Variants in PDE10A observed in about 807,000 individuals in gnomAD.
PDE10A encodes the protein cAMP and cAMP-inhibited cGMP 3',5'-cyclic phosphodiesterase 10A.
Under a neutral mutation model 97.7 loss-of-function variants are expected in PDE10A, and 39 were observed. The observed-to-expected ratio is 0.40, with a 90% CI of 0.31 to 0.52. The LOEUF is 0.52. PDE10A is among the 20% of genes least tolerant of loss of function. The pLI, the probability that PDE10A is intolerant of heterozygous loss-of-function variation, is 0.56. For missense variants in PDE10A, 731 were observed against 1,047.8 expected, an observed-to-expected ratio of 0.70 and a Z score of 4.17; for synonymous variants, 371 against 376.8, an observed-to-expected ratio of 0.98 and a Z score of 0.18.
rs373672822 is a variant in PDE10A, at chr6:165,579,531, C to T, written c.866-35963G>A. ...GTTGTTGCAAACTTCAAAATTCATC[C>T]AAAACCTAATCATGTTTCACCTTCC... On this transcript the variant is annotated intron_variant, in intron 1 of 21. Coordinates refer to ENST00000539869, the MANE Select transcript of PDE10A (RefSeq NM_001385079.1). Among the ~76,000 whole-genome samples, 23 of 152,248 alleles carry T rather than the reference C, an allele frequency of 1.5e-4. No homozygotes were observed. The South Asian group carries it at 4.6e-3, about 30-fold the overall frequency.
upstream of PDE10A, among the ~76,000 whole-genome samples, chr6:165,665,791 G>A (rs540370761): frequency 1.8e-4 from 28 of 152,142 alleles, no homozygotes; most frequent in Non-Finnish European, 2.9e-4. Context: ...ACACTTGTCT[G>A]TGCCTTTTAC....
intron 1 of PDE10A, among the ~76,000 whole-genome samples, chr6:165,678,181 A>G (rs1790865795): frequency 6.3e-4 from 1 of 1,584 alleles, no homozygotes; most frequent in Non-Finnish European, 1.3e-3. Context: ...GTGTGTGTCC[A>G]TGTGTGTCTG....
chr6:165,686,748 A>T (rs533931767), intron 1 of PDE10A, among the ~76,000 whole-genome samples: 1 of 152,340 alleles, frequency 6.6e-6, no homozygotes, highest in African/African-American at 2.4e-5. Flanking sequence ...TTGAGAGCAG[A>T]AACACGAGCA....
At chr6:165,825,169 G>GA (rs35069499) in intron 1 of PDE10A, among the ~76,000 whole-genome samples, 3 of 140,598 alleles carry the variant, frequency 2.1e-5, no homozygotes, top group Admixed American at 1.5e-4. Flanking sequence ...AAAAGAAAAA[G>GA]AAAAAAAAAG....
intron 18 of PDE10A, among the ~76,000 whole-genome samples, chr6:165,344,756 G>A (rs901853727): frequency 6.6e-6 from 1 of 152,112 alleles, no homozygotes; most frequent in Admixed American, 6.5e-5. Context: ...CCCATTTAAG[G>A]AATCATCAGT....
At chr6:165,374,740 A>G (rs958982901) in intron 18 of PDE10A, among the ~76,000 whole-genome samples, 1 of 146,428 alleles carries the variant, frequency 6.8e-6, no homozygotes, top group Non-Finnish European at 1.5e-5. Flanking sequence ...GTGCTTCATA[A>G]ATACCATGTT....
chr6:165,348,512 A>G (rs1047045291), intron 18 of PDE10A, among the ~76,000 whole-genome samples: 9 of 152,218 alleles, frequency 5.9e-5, no homozygotes, highest in Non-Finnish European at 1.2e-4. Flanking sequence ...TGGTTTCCAG[A>G]CATGACATTT....
chr6:165,909,275 A>G (rs139026521), intron 1 of PDE10A, among the ~76,000 whole-genome samples: 77 of 152,316 alleles, frequency 5.1e-4, no homozygotes, highest in Middle Eastern at 6.8e-3. Flanking sequence ...AGAAAGGAGG[A>G]AAAGAGAGGC....
chr6:165,369,884 C>A (rs1056920602), intron 18 of PDE10A, among the ~76,000 whole-genome samples: 1 of 151,806 alleles, frequency 6.6e-6, no homozygotes, highest in African/African-American at 2.4e-5. Flanking sequence ...AATCTCTCGG[C>A]AGAAACCCTA....
intron 1 of PDE10A, among the ~76,000 whole-genome samples, chr6:165,550,499 C>A (rs1024353861): frequency 6.6e-6 from 1 of 152,114 alleles, no homozygotes; most frequent in Non-Finnish European, 1.5e-5. Context: ...TATCAAAGAA[C>A]AGCTTGAACT....
At position 165,621,771 on chromosome 6, in the gene PDE10A, A is replaced by AAAGAAGAAGAAG. The variant is rs1554297071; in HGVS notation, c.865+40164_865+40175dup. Among the ~76,000 whole-genome samples, 223 of 134,642 alleles carry AAAGAAGAAGAAG rather than the reference A, an allele frequency of 1.7e-3. 2 individuals are homozygous for AAAGAAGAAGAAG. Among genetic ancestry groups the AAAGAAGAAGAAG allele is most frequent in the Middle Eastern group, 7.6e-3 (2 of 264 alleles). The allele number at this position is 134,642 out of a possible 152,430, so 88.3% of individuals were successfully genotyped here. ...GACTCTTATCTAAAAAAGAAAAAAA[A>AAAGAAGAAGAAG]AAGAAGAAGAAGAAGAAACACAGGA... is the stretch of plus-strand genomic sequence containing the variant. On this transcript the variant is annotated intron_variant, in intron 1 of 21. Coordinates refer to ENST00000539869, the MANE Select transcript of PDE10A (RefSeq NM_001385079.1).
At chr6:165,654,354 C>G (rs545522485) in intron 1 of PDE10A, among the ~76,000 whole-genome samples, 1 of 152,194 alleles carries the variant, frequency 6.6e-6, no homozygotes, top group Non-Finnish European at 1.5e-5. Context: ...CCCAACCCCA[C>G]CCCTGCTTCC....
chr6:165,421,455 ATG>A (rs1788687700), intron 10 of PDE10A, among the ~76,000 whole-genome samples: 1 of 131,384 alleles, frequency 7.6e-6, no homozygotes, highest in African/African-American at 2.7e-5. Context: ...AAACAAAAAC[ATG>A]TGATGCCATT....
intron 1 of PDE10A, among the ~76,000 whole-genome samples, chr6:165,807,434 G>A (rs1315417333): frequency 2.6e-5 from 4 of 151,988 alleles, no homozygotes; most frequent in African/African-American, 4.8e-5. Context: ...TTTCTGCCCC[G>A]CCCACAGCAC....
At chr6:165,569,656 C>G (rs1043233967) in intron 1 of PDE10A, among the ~76,000 whole-genome samples, 4 of 152,164 alleles carry the variant, frequency 2.6e-5, no homozygotes, top group Admixed American at 6.5e-5. Context: ...TCTTGTTAAA[C>G]TCATACCCTC....
intron 1 of PDE10A, among the ~76,000 whole-genome samples, chr6:165,641,110 G>A (rs1339822105): frequency 6.6e-6 from 1 of 152,186 alleles, no homozygotes; most frequent in Admixed American, 6.5e-5. Context: ...ATGGACCCAA[G>A]AGACTGAATA....
chr6:165,808,338 T>C (rs931673088), intron 1 of PDE10A, among the ~76,000 whole-genome samples: 2 of 152,178 alleles, frequency 1.3e-5, no homozygotes, highest in Non-Finnish European at 2.9e-5. Flanking sequence ...CTGAACTGGC[T>C]CTGTGCTCCC....
intron 1 of PDE10A, among the ~76,000 whole-genome samples, chr6:165,693,870 T>G (rs1333977892): frequency 1.3e-5 from 2 of 152,360 alleles, no homozygotes; most frequent in East Asian, 3.9e-4. Context: ...AGGCTTCAAA[T>G]AGTACCTGGT....
chr6:165,939,780 C>A (rs917829203), intron 1 of PDE10A: 2 of 152,362 alleles, frequency 1.3e-5, no homozygotes, highest in African/African-American at 4.8e-5. Context: ...GCTTACACAA[C>A]TCCTAGCCTG....
Sources: allele counts gnomAD v4.1 joint callset (sites outside exome capture counted in the v4.1 genomes callset), GRCh38; gene constraint gnomAD v4.1.1; transcripts MANE v1.5; gene names NCBI Gene and HGNC (gene_info 2026-07-23, HGNC 2026-07-21).